The following UNC13A variants were observed in gnomAD, a reference collection of about 807,000 sequenced individuals.
The protein encoded by UNC13A is unc-13 homolog A.
A neutral mutation model predicts 219.7 loss-of-function variants in UNC13A; 61 were observed. The ratio of observed to expected loss-of-function variants is 0.28; its 90% CI spans 0.23 to 0.34. The LOEUF (loss-of-function observed/expected upper bound fraction) is 0.34, where lower values mean the gene tolerates loss of function less well. Ranked by LOEUF, UNC13A falls within the 10% of genes least tolerant of loss-of-function variation. The pLI is 1.00. For missense variants in UNC13A, 1,476 were observed against 2,270.3 expected (o/e 0.65, Z 7.11); for synonymous variants, 920 against 884.6 (o/e 1.04, Z -0.71).
rs1599364720 is a variant in UNC13A, at chr19:17,640,455, G to A, written c.2787+56C>T. Reference sequence around the variant, plus strand: ...GGGACCCAGAAGTCACATCAGATCTGACCGGCATAAAGTTGGGCTCTCCCT... The same window carrying A: ...GGGACCCAGAAGTCACATCAGATCTAACCGGCATAAAGTTGGGCTCTCCCT... On this transcript the variant is annotated intron_variant, in intron 22 of 43. Transcript: ENST00000519716. 3 of 1,515,742 alleles carry A rather than the reference G, an allele frequency of 2.0e-6. No individual in the cohort carries two copies. The East Asian group carries it at 7.4e-5, about 37-fold the overall frequency. The allele number at this position is 1,515,742 out of a possible 1,614,324, so 93.9% of individuals were successfully genotyped here. A position where few individuals can be genotyped will look rare whatever the true frequency, so the allele number is the denominator to read the frequency against.
Position 17,629,297 on chromosome 19 carries a change from A to G in UNC13A, c.3696T>C (p.Tyr1232=). The change falls in exon 31 of 44, where the codon TAT becomes TAC. Residue 1232 remains tyrosine, a synonymous_variant. Transcript: ENST00000519716. The stretch of plus-strand genomic sequence containing the variant: ...CAAAGTCCTTGGAGATGATGTCTGC[A>G]TACTGGAGGAGCACATTACTGATGG... ...AKTISNVLLQ[Y]ADIISKDFAS... is the part of the protein sequence containing the mutation. The G allele has an allele frequency of 6.2e-7, 1 of 1,612,282 alleles. No individual in the cohort carries two copies. The highest frequency in any genetic ancestry group is 1.3e-5 in the African/African-American group (1 of 75,012).
At chr19:17,662,293 G>C (rs2079564388) in intron 8 of UNC13A, among the ~76,000 whole-genome samples, 1 of 151,744 alleles carries the variant, frequency 6.6e-6, no homozygotes, top group East Asian at 1.9e-4. Context: ...ACTGTGAACT[G>C]TGCATGTGCG....
rs1304146817 is a variant in UNC13A at position 17,617,663 on chromosome 19, G to A, written c.4558+39C>T. On this transcript the variant is annotated intron_variant, in intron 41 of 43. Transcript: ENST00000519716. ...TCAGGCTTGGGGCGGGGCTGTCTCC[G>A]CGGAGCGGGAAAGGGTGATGCGGTC... 5.6e-6 allele frequency: 9 copies of A among 1,602,738 alleles called. No individual in the cohort carries two copies. The East Asian group carries it at 1.1e-4, about 20-fold the overall frequency.
intron 23 of UNC13A, 81 bp downstream of exon 23, chr19:17,639,759 G>T: frequency 6.6e-7 from 1 of 1,518,250 alleles, no homozygotes; most frequent in Non-Finnish European, 9.1e-7. Context: ...GTCCTCCCAT[G>T]CACACACCTG....
intron 1 of UNC13A, among the ~76,000 whole-genome samples, chr19:17,678,882 G>T (rs2079952735): frequency 6.6e-6 from 1 of 152,104 alleles, no homozygotes; most frequent in Non-Finnish European, 1.5e-5. Flanking sequence ...GGAGAGGAAG[G>T]GAGAGGAGAG....
intron 8 of UNC13A, among the ~76,000 whole-genome samples, chr19:17,658,504 G>C (rs1177353267): frequency 6.6e-6 from 1 of 152,166 alleles, no homozygotes; most frequent in Non-Finnish European, 1.5e-5. Flanking sequence ...GGCTAGGGTA[G>C]GACCTACAAT....
Position 17,602,979 on chromosome 19 carries a change from G to A in UNC13A, c.*3075C>T, listed in dbSNP as rs2076481983. 2 of 152,268 alleles carry A rather than the reference G, an allele frequency of 1.3e-5. No homozygotes were observed. The highest frequency in any genetic ancestry group is 2.1e-4 in the South Asian group (1 of 4,822). 9.4% of individuals were successfully genotyped at this position (152,268 alleles called of 1,614,324 possible). A position where few individuals can be genotyped will look rare whatever the true frequency, so the allele number is the denominator to read the frequency against. Reference sequence around the variant, plus strand: ...AGAAACCCCCAGTCCCATGGCATCAGGCTGGACTGGAGGAGAGACGGTGGC... The same window carrying A: ...AGAAACCCCCAGTCCCATGGCATCAAGCTGGACTGGAGGAGAGACGGTGGC... On this transcript the variant is annotated 3_prime_UTR_variant, in exon 44 of 44. Coordinates refer to ENST00000519716, the MANE Select transcript of UNC13A (RefSeq NM_001080421.3).
At chr19:17,652,808 T>C (rs1040178897) in intron 11 of UNC13A, 131 bp from the exon 12 acceptor site, 21 of 955,132 alleles carry the variant, frequency 2.2e-5, no homozygotes, top group Non-Finnish European at 3.4e-5. Context: ...GGCTGAGTGA[T>C]TTTAGGAAGC....
intron 10 of UNC13A, 75 bp from the exon 11 acceptor site, chr19:17,655,457 G>C (rs1315848949): frequency 7.0e-6 from 8 of 1,149,906 alleles, no homozygotes; most frequent in Admixed American, 2.1e-5. Flanking sequence ...CTCCAGCTGT[G>C]CAAGTGATGC....
chr19:17,628,289 C>A, intron 31 of UNC13A: 1 of 316,588 alleles, frequency 3.2e-6, no homozygotes, highest in South Asian at 4.2e-5. Context: ...TTTGCAACAG[C>A]CAGACAGTGA....
intron 42 of UNC13A, among the ~76,000 whole-genome samples, chr19:17,610,823 G>GT (rs2076595596): frequency 6.6e-6 from 1 of 152,128 alleles, no homozygotes; most frequent in Admixed American, 6.5e-5. Flanking sequence ...GAGGCCAGGA[G>GT]TTTGAGACCA....
Position 17,656,159 on chromosome 19 carries a change from T to A in UNC13A, c.1007A>T (p.Glu336Val). ...CAGCTCCTCCTCATCTTCAGGCAGC[T>A]CCTCCTCCTCCAGGAAGTCCTCCAG... is the stretch of plus-strand genomic sequence containing the variant. ...EDLEDFLEEE[E>V]LPEDEEELEE... The change falls in exon 10 of 44, where the codon GAG becomes GTG. Residue 336 changes from glutamate to valine, a missense_variant. This residue lies in a region of UNC13A where 351 missense variants were observed against 342.6 expected (regional missense o/e 1.02). Coordinates refer to ENST00000519716, the MANE Select transcript of UNC13A (RefSeq NM_001080421.3). 1 of 1,551,914 alleles carries A rather than the reference T, an allele frequency of 6.4e-7. No individual in the cohort carries two copies. The highest frequency in any genetic ancestry group is 1.2e-5 in the South Asian group (1 of 84,012).
chr19:17,677,068 T>G (rs2079912522), intron 1 of UNC13A, among the ~76,000 whole-genome samples: 1 of 152,090 alleles, frequency 6.6e-6, no homozygotes, highest in Non-Finnish European at 1.5e-5. Flanking sequence ...GCTGGAGGGT[T>G]GACAGAGATT....
chr19:17,621,318 G>A (rs996077768), intron 37 of UNC13A, among the ~76,000 whole-genome samples: 1 of 152,082 alleles, frequency 6.6e-6, no homozygotes, highest in Non-Finnish European at 1.5e-5. Flanking sequence ...CGGAACCCCT[G>A]TGACCCACAT....
Position 17,666,715 on chromosome 19 carries a change from G to T in UNC13A, c.469-11C>A. The T allele has an allele frequency of 6.6e-7, 1 of 1,515,804 alleles. No individual in the cohort carries two copies. The highest frequency in any genetic ancestry group is 1.3e-5 in the South Asian group (1 of 75,018). 93.9% of individuals were successfully genotyped at this position (1,515,804 alleles called of 1,614,324 possible). On this transcript the variant is annotated splice_polypyrimidine_tract_variant and intron_variant, in intron 6 of 43. Coordinates refer to ENST00000519716, the MANE Select transcript of UNC13A (RefSeq NM_001080421.3). ...ATCTTGGAACGAATACTGAAGGGGT[G>T]GAGGAAGGAGAAAGGGCTTCTCTCA...
At chr19:17,610,859 T>C (rs1294626088) in intron 42 of UNC13A, among the ~76,000 whole-genome samples, 2 of 152,098 alleles carry the variant, frequency 1.3e-5, no homozygotes, top group Admixed American at 6.6e-5. Context: ...TGAGACACCA[T>C]CTCTACAAAA....
At chr19:17,629,446 C>T in intron 30 of UNC13A, 123 bp from the exon 31 acceptor site, 1 of 803,696 alleles carries the variant, frequency 1.2e-6, no homozygotes, top group Non-Finnish European at 2.0e-6. Flanking sequence ...CTAAGATGGG[C>T]CTTTGGGCTA....
rs2076874652 is a variant in UNC13A at position 17,633,094 on chromosome 19, G to A, written c.3301+14C>T. On this transcript the variant is annotated intron_variant, in intron 27 of 43. Transcript: ENST00000519716. ...GTGTGGCCAGGCTGGGGAACACTGGGGTGGGAAACTCACCCTCCATGGCGT... is the reference window on the plus strand; with the variant it reads ...GTGTGGCCAGGCTGGGGAACACTGGAGTGGGAAACTCACCCTCCATGGCGT... 6.2e-7 allele frequency: 1 copy of A among 1,613,960 alleles called. No homozygotes were observed. Among genetic ancestry groups the A allele is most frequent in the African/African-American group, 1.3e-5 (1 of 75,016 alleles).
At chr19:17,660,613 C>G (rs913721711) in intron 8 of UNC13A, among the ~76,000 whole-genome samples, 15 of 150,932 alleles carry the variant, frequency 9.9e-5, no homozygotes, top group Admixed American at 2.0e-4. Flanking sequence ...CTCACTGCAG[C>G]CTCCACCTCC....
Sources: gnomAD v4.1 joint callset for allele counts (sites outside exome capture counted in the v4.1 genomes callset) on GRCh38, gnomAD v4.1.1 for gene constraint, gnomAD v4.1.1 regional missense constraint, MANE v1.5 for transcripts, NCBI Gene and HGNC (gene_info 2026-07-23, HGNC 2026-07-21) for gene names.